The following AKAP6 variants were observed in gnomAD, a reference collection of about 807,000 sequenced individuals.
The protein encoded by AKAP6 is A-kinase anchor protein 6.
AKAP6 carries 58 observed loss-of-function variants against 188.5 expected under a neutral mutation model. The ratio of observed to expected loss-of-function variants is 0.31; its 90% confidence interval spans 0.25 to 0.38. The LOEUF (loss-of-function observed/expected upper bound fraction) is 0.38, where lower values mean the gene tolerates loss of function less well. Among genes scored for constraint, AKAP6 ranks in the 10% least tolerant of loss-of-function variants. The probability of loss-of-function intolerance (pLI) is 1.00; values close to 1 mark genes in which losing one functional copy is unlikely to be tolerated. For missense variants in AKAP6, 2,710 were observed against 2,740.0 expected (o/e 0.99, Z 0.24); for synonymous variants, 989 against 998.6 (o/e 0.99, Z 0.18).
At chr14:32,685,713 AG>A (rs1889891833) in intron 8 of AKAP6, among the ~76,000 whole-genome samples, 1 of 136,922 alleles carries the variant, frequency 7.3e-6, no homozygotes, top group African/African-American at 2.8e-5. Context: ...CGACAGAGCG[AG>A]ACTCCATCTC....
intron 1 of AKAP6, among the ~76,000 whole-genome samples, chr14:32,375,660 G>A (rs367866229): frequency 6.6e-6 from 1 of 152,194 alleles, no homozygotes; most frequent in Admixed American, 6.5e-5. Context: ...TATTTGTCAG[G>A]TATGATAAGT....
intron 2 of AKAP6, among the ~76,000 whole-genome samples, chr14:32,441,894 A>C (rs549090710): frequency 1.3e-5 from 2 of 152,226 alleles, no homozygotes; most frequent in Non-Finnish European, 2.9e-5. Context: ...TTTGAGAAAA[A>C]TCTAAAGAAA....
intron 12 of AKAP6, among the ~76,000 whole-genome samples, chr14:32,816,008 C>T (rs1428822675): frequency 6.6e-6 from 1 of 152,188 alleles, no homozygotes; most frequent in Non-Finnish European, 1.5e-5. Context: ...TGCAAAATGG[C>T]TGATAAACAT....
rs11623172 is a variant in AKAP6 at position 32,387,931 on chromosome 14, C to G, written c.-34-45529C>G. On this transcript the variant is annotated intron_variant, in intron 1 of 13. Transcript: ENST00000280979. ...AGTGTCAATAGGATTGGTACCAGTT[C>G]TTCTTTGAATGTCTGGTAGAATTCT... is the stretch of plus-strand genomic sequence containing the variant. Among the ~76,000 whole-genome samples, 3 of 151,742 alleles carry G rather than the reference C, an allele frequency of 2.0e-5. No homozygotes were observed. The South Asian group carries it at 6.2e-4, about 32-fold the overall frequency.
At position 32,624,242 on chromosome 14, in the gene AKAP6, A is replaced by T. The variant is rs571009483; in HGVS notation, c.2730+23450A>T. ...GTTGTATTAGGTGGTCGTAAATGAC[A>T]ACAAAGCACAGGACTAATAGGACAG... On this transcript the variant is annotated intron_variant, in intron 7 of 13. Transcript: ENST00000280979. 2.0e-5 allele frequency among the ~76,000 whole-genome samples: 3 copies of T among 152,304 alleles called. No homozygotes were observed. The East Asian group carries it at 5.8e-4, about 29-fold the overall frequency.
At chr14:32,337,891 A>C (rs1284541842) in intron 1 of AKAP6, among the ~76,000 whole-genome samples, 1 of 152,092 alleles carries the variant, frequency 6.6e-6, no homozygotes, top group Non-Finnish European at 1.5e-5. Context: ...ATGGTGGCTC[A>C]TGCCTGTAGT....
chr14:32,686,570 G>A (rs73264886), intron 8 of AKAP6, among the ~76,000 whole-genome samples: 1,707 of 151,648 alleles, frequency 0.011, 29 homozygotes, highest in African/African-American at 0.04. Context: ...ATATATATAC[G>A]TACTATGTAC....
chr14:32,365,353 T>A (rs372856406), intron 1 of AKAP6, among the ~76,000 whole-genome samples: 1 of 150,214 alleles, frequency 6.7e-6, no homozygotes, highest in African/African-American at 2.5e-5. Flanking sequence ...TTATGCTGGG[T>A]CTCTCCCTTT....
chr14:32,820,344 A>C (rs1238285035), intron 12 of AKAP6, among the ~76,000 whole-genome samples: 1 of 152,094 alleles, frequency 6.6e-6, no homozygotes, highest in African/African-American at 2.4e-5. Flanking sequence ...AGAGCAAGTA[A>C]GGACAGTGAA....
At chr14:32,536,895 C>T (rs72667938) in intron 3 of AKAP6, among the ~76,000 whole-genome samples, 19,372 of 152,074 alleles carry the variant, frequency 0.13, 1,587 homozygotes, top group Non-Finnish European at 0.19. Context: ...GGTGTGTACG[C>T]GCAGGCATGT....
intron 2 of AKAP6, among the ~76,000 whole-genome samples, chr14:32,442,043 C>T (rs957008959): frequency 1.3e-5 from 2 of 152,150 alleles, no homozygotes; most frequent in Non-Finnish European, 2.9e-5. Context: ...TTAGGGGCAT[C>T]CACCAGAGGT....
At chr14:32,798,659 G>A (rs1398170164) in intron 12 of AKAP6, among the ~76,000 whole-genome samples, 2 of 152,150 alleles carry the variant, frequency 1.3e-5, no homozygotes, top group African/African-American at 2.4e-5. Context: ...ACTTATAAGT[G>A]GGAGCTAAAC....
At chr14:32,676,866 C>T (rs1390834438) in intron 7 of AKAP6, among the ~76,000 whole-genome samples, 2 of 152,052 alleles carry the variant, frequency 1.3e-5, no homozygotes, top group East Asian at 3.9e-4. Flanking sequence ...AAGCGTCTCA[C>T]TTTGTTGCCC....
At chr14:32,501,047 C>T (rs775760677) in intron 2 of AKAP6, among the ~76,000 whole-genome samples, 4 of 152,086 alleles carry the variant, frequency 2.6e-5, no homozygotes, top group Non-Finnish European at 4.4e-5. Context: ...AGGTTCCTTC[C>T]CTCCTAAGCA....
At chr14:32,633,299 CAA>C (rs1452053020) in intron 7 of AKAP6, among the ~76,000 whole-genome samples, 1 of 152,082 alleles carries the variant, frequency 6.6e-6, no homozygotes, top group African/African-American at 2.4e-5. Context: ...CCAGGCAAAA[CAA>C]GAGATTTCAT....
intron 7 of AKAP6, among the ~76,000 whole-genome samples, chr14:32,648,306 C>G (rs898041344): frequency 1.3e-5 from 2 of 152,132 alleles, no homozygotes; most frequent in South Asian, 2.1e-4. Context: ...GGTTGTCTCT[C>G]AGGTTGTGGC....
chr14:32,737,014 T>C (rs892056744), intron 11 of AKAP6, among the ~76,000 whole-genome samples: 4 of 152,164 alleles, frequency 2.6e-5, no homozygotes, highest in African/African-American at 9.6e-5. Context: ...CCAAAGCAAA[T>C]GGGTTTATGG....
At chr14:32,407,169 A>G (rs1401938068) in intron 1 of AKAP6, among the ~76,000 whole-genome samples, 1 of 151,938 alleles carries the variant, frequency 6.6e-6, no homozygotes, top group African/African-American at 2.4e-5. Flanking sequence ...TTCCTTTCCC[A>G]TCCCCTTCTT....
At chr14:32,538,355 C>A (rs8018705) in intron 3 of AKAP6, among the ~76,000 whole-genome samples, 4,418 of 152,092 alleles carry the variant, frequency 0.029, 187 homozygotes, top group African/African-American at 0.1. Context: ...ATTTAAAAAG[C>A]ACTGGTAAAT....
Sources: gnomAD v4.1 joint callset for allele counts (sites outside exome capture counted in the v4.1 genomes callset) on GRCh38, gnomAD v4.1.1 for gene constraint, MANE v1.5 for transcripts, NCBI Gene and HGNC (gene_info 2026-07-23, HGNC 2026-07-21) for gene names.